REV1: variants seen among roughly 807,000 people sequenced by gnomAD.
The protein encoded by REV1 is REV1 DNA directed polymerase, also known as translesion synthesis protein REV1.
A neutral mutation model predicts 137.4 loss-of-function variants in REV1; 42 were observed. The ratio of observed to expected loss-of-function variants is 0.31; its 90% CI spans 0.24 to 0.40. The LOEUF is 0.40. REV1 is among the 10% of genes least tolerant of loss of function. The pLI is 1.00. For missense variants in REV1, 1,282 were observed against 1,490.1 expected, an observed-to-expected ratio of 0.86 and a Z score of 2.30; for synonymous variants, 524 against 519.2, an observed-to-expected ratio of 1.01 and a Z score of -0.12.
intron 14 of REV1, among the ~76,000 whole-genome samples, chr2:99,409,853 A>ACCCCCC (rs36096966): frequency 1.0e-4 from 8 of 78,550 alleles, no homozygotes; most frequent in Admixed American, 1.5e-4. Context: ...AAAACAAACA[A>ACCCCCC]CCCCCCCCCC....
chr2:99,424,925 TC>T, intron 9 of REV1: 1 of 1,291,818 alleles, frequency 7.7e-7, no homozygotes, highest in Non-Finnish European at 1.0e-6. Flanking sequence ...AAATTTTAAA[TC>T]TGTGTGTCTC....
At chr2:99,453,892 C>CAAAAAAAAAAAAAAAAA (rs58291328) in intron 3 of REV1, among the ~76,000 whole-genome samples, 1 of 48,020 alleles carries the variant, frequency 2.1e-5, no homozygotes, top group Non-Finnish European at 3.8e-5. Context: ...GGCTCTGTCT[C>CAAAAAAAAAAAAAAAAA]AAAAAAAAAA....
Position 99,462,560 on chromosome 2 carries a change from C to A in REV1, c.117G>T (p.Met39Ile). The change falls in exon 3 of 23, where the codon ATG becomes ATT. Residue 39 changes from methionine (M) to isoleucine (I), a missense_variant. Met to Ile is a conservative substitution (Grantham distance 10). Around this residue, in one of 7 missense-constraint regions of REV1, gnomAD observed 107 missense variants for 164.3 expected, o/e 0.65. Transcript: ENST00000258428. ...TTGTAGATGAAGTCCCATCCTTCTG[C>A]ATAGCAGCATCTGATCGAAACTGTT... ...LEEQFRSDAA[M>I]QKDGTSSTIF... is the part of the protein sequence containing the mutation. 6.2e-7 allele frequency: 1 copy of A among 1,613,784 alleles called. No individual in the cohort carries two copies. Among genetic ancestry groups the A allele is most frequent in the Middle Eastern group, 1.6e-4 (1 of 6,062 alleles).
intron 12 of REV1, 93 bp from the exon 13 acceptor site, chr2:99,413,044 A>G (rs1410649558): frequency 2.3e-6 from 2 of 879,506 alleles, no homozygotes; most frequent in Non-Finnish European, 3.6e-6. Flanking sequence ...CAAAACAACT[A>G]GTTTAAAATA....
rs556486311 is a variant in REV1 at position 99,450,230 on chromosome 2, T to C, written c.182-726A>G. Among the ~76,000 whole-genome samples, 108 of 152,260 alleles carry C rather than the reference T, an allele frequency of 7.1e-4. 1 individual carries two copies. Among genetic ancestry groups the C allele is most frequent in the African/African-American group, 2.5e-3 (102 of 41,542 alleles). On this transcript the variant is annotated intron_variant, in intron 3 of 22. Coordinates refer to ENST00000258428, the MANE Select transcript of REV1 (RefSeq NM_016316.4). ...GAAAATATCTTATATGTCTTAAATA[T>C]TGGAAATATTTTAAGAAAATATCTT...
intron 12 of REV1, among the ~76,000 whole-genome samples, chr2:99,417,996 T>C (rs1305786356): frequency 6.6e-6 from 1 of 152,224 alleles, no homozygotes; most frequent in East Asian, 1.9e-4. Context: ...TTTTAAGTTA[T>C]ATACTACGGG....
At chr2:99,490,129 T>TC (rs1186697737), upstream of REV1, 5 of 104,988 alleles carry the variant, frequency 4.8e-5, no homozygotes, top group South Asian at 3.0e-4. Flanking sequence ...CGCGCTCTGC[T>TC]CCCCCCGGCC....
chr2:99,458,640 T>C (rs1238833355), intron 3 of REV1, among the ~76,000 whole-genome samples: 1 of 152,232 alleles, frequency 6.6e-6, no homozygotes. Context: ...ATAACTGTGA[T>C]GTCCCTAACA....
chr2:99,426,056 T>C (rs931821702), intron 9 of REV1, among the ~76,000 whole-genome samples: 1 of 143,286 alleles, frequency 7.0e-6, no homozygotes, highest in African/African-American at 2.6e-5. Context: ...AACCCAAATA[T>C]GTTTATAGTC....
intron 14 of REV1, among the ~76,000 whole-genome samples, chr2:99,409,169 T>C (rs193176147): frequency 7.8e-4 from 119 of 152,352 alleles, no homozygotes; most frequent in African/African-American, 2.6e-3. Flanking sequence ...TTGAGATACA[T>C]GTGTATCATA....
intron 6 of REV1, among the ~76,000 whole-genome samples, chr2:99,437,305 C>A (rs1680889348): frequency 6.6e-6 from 1 of 152,098 alleles, no homozygotes. Context: ...CTTAAGCTCA[C>A]AACCCCATGA....
At chr2:99,427,000 T>C (rs982033039) in intron 9 of REV1, among the ~76,000 whole-genome samples, 2 of 152,086 alleles carry the variant, frequency 1.3e-5, no homozygotes, top group Non-Finnish European at 2.9e-5. Flanking sequence ...CTGGCCAACA[T>C]GGTGAAACCC....
chr2:99,403,010 C>G lies in REV1; in HGVS notation c.3263G>C (p.Ser1088Thr), dbSNP rs771891171. The G allele has an allele frequency of 6.2e-7, 1 of 1,613,986 alleles. No individual in the cohort carries two copies. Among genetic ancestry groups the G allele is most frequent in the Non-Finnish European group, 8.5e-7 (1 of 1,179,824 alleles). Reference sequence around the variant, plus strand: ...GTTAAGCAGCTTGTTATTCAAAGGACTCTGAATCCTTTTTGGTGAACCAAT... The same window carrying G: ...GTTAAGCAGCTTGTTATTCAAAGGAGTCTGAATCCTTTTTGGTGAACCAAT... Reference protein sequence around the residue: ...KTIGSPKRIQSPLNNKLLNSP... With the variant: ...KTIGSPKRIQTPLNNKLLNSP... Residue 1088 changes from serine to threonine, a missense_variant, in exon 20 of 23, where the codon AGT becomes ACT. Transcript: ENST00000258428.
intron 12 of REV1, among the ~76,000 whole-genome samples, chr2:99,416,323 A>G (rs961366921): frequency 6.6e-6 from 1 of 152,234 alleles, no homozygotes; most frequent in African/African-American, 2.4e-5. Context: ...AAACCCCTCC[A>G]CCACAGAAGG....
intron 9 of REV1, among the ~76,000 whole-genome samples, chr2:99,425,380 C>T (rs1679203743): frequency 6.6e-6 from 1 of 151,926 alleles, no homozygotes; most frequent in Non-Finnish European, 1.5e-5. Flanking sequence ...TAAGAAATAC[C>T]TAAGAGGAAG....
At chr2:99,401,633 G>T (rs1477036234) in intron 22 of REV1, among the ~76,000 whole-genome samples, 1 of 152,116 alleles carries the variant, frequency 6.6e-6, no homozygotes, top group South Asian at 2.1e-4. Context: ...TATAATCCCA[G>T]CTACCCGGGA....
intron 8 of REV1, among the ~76,000 whole-genome samples, chr2:99,433,760 T>C (rs957244538): frequency 6.6e-6 from 1 of 152,216 alleles, no homozygotes; most frequent in Non-Finnish European, 1.5e-5. Context: ...TCAGTGAATT[T>C]ACTCAGGGGA....
chr2:99,483,097 C>G (rs1370519145), intron 1 of REV1, among the ~76,000 whole-genome samples: 1 of 148,926 alleles, frequency 6.7e-6, no homozygotes, highest in Non-Finnish European at 1.5e-5. Context: ...TTGTAAAGTT[C>G]AGAACTGTCC....
chr2:99,437,907 C>T (rs544460999), intron 6 of REV1, among the ~76,000 whole-genome samples: 7 of 152,132 alleles, frequency 4.6e-5, no homozygotes, highest in Non-Finnish European at 1.0e-4. Flanking sequence ...TAGGACAGAA[C>T]CATGAGCTTC....
Sources: gnomAD v4.1 joint callset for allele counts (sites outside exome capture counted in the v4.1 genomes callset) on GRCh38, gnomAD v4.1.1 for gene constraint, gnomAD v4.1.1 regional missense constraint, MANE v1.5 for transcripts, NCBI Gene and HGNC (gene_info 2026-07-23, HGNC 2026-07-21) for gene names.